Variants in FCN2 observed in about 807,000 individuals in gnomAD.
FCN2 encodes ficolin 2.
A neutral mutation model predicts 32.5 loss-of-function variants in FCN2; 31 were observed. The observed-to-expected ratio is 0.96, with a 90% CI of 0.72 to 1.29. The LOEUF (loss-of-function observed/expected upper bound fraction) is 1.29, where lower values mean the gene tolerates loss of function less well. FCN2 is among the 50% of genes most tolerant of loss of function. The probability of loss-of-function intolerance (pLI) is 0.00; values close to 1 mark genes in which losing one functional copy is unlikely to be tolerated. For missense variants in FCN2, 412 were observed against 406.5 expected (o/e 1.01, Z -0.12); for synonymous variants, 181 against 164.5 (o/e 1.10, Z -0.77).
At chr9:134,885,168 GC>G in intron 4 of FCN2, 70 bp from the exon 5 acceptor site, 1 of 1,602,692 alleles carries the variant, frequency 6.2e-7, no homozygotes, top group Non-Finnish European at 8.5e-7. Context: ...TTCCTCCCAG[GC>G]CTCCCTCCTA....
At chr9:134,869,602 T>C in the FCN2 span, among the ~76,000 whole-genome samples, 1 of 152,238 alleles carries the variant, frequency 6.6e-6, no homozygotes, top group East Asian at 1.9e-4. Flanking sequence ...CTTCTGTTAG[T>C]CTCTCCGAGG....
At chr9:134,876,798 G>A (rs114083384), upstream of FCN2, among the ~76,000 whole-genome samples, 816 of 152,228 alleles carry the variant, frequency 5.4e-3, 4 homozygotes, top group African/African-American at 0.019. Flanking sequence ...GGCTGGTCTC[G>A]AACTGACTTC....
upstream of FCN2, among the ~76,000 whole-genome samples, chr9:134,879,948 C>T (rs1371730797): frequency 6.6e-6 from 1 of 152,118 alleles, no homozygotes; most frequent in African/African-American, 2.4e-5. Flanking sequence ...CTGTCTCTAA[C>T]CTGGCTCAGT....
chr9:134,875,259 GGTT>G, the FCN2 span, among the ~76,000 whole-genome samples: 1 of 152,192 alleles, frequency 6.6e-6, no homozygotes, highest in African/African-American at 2.4e-5. Flanking sequence ...TCTTGCTCTT[GGTT>G]GTTCTAATTG....
the FCN2 span, among the ~76,000 whole-genome samples, chr9:134,864,413 C>T: frequency 3.9e-5 from 6 of 152,196 alleles, no homozygotes; most frequent in African/African-American, 7.2e-5. Flanking sequence ...CGGAAGACAG[C>T]GGCCCTGAGG....
the FCN2 span, among the ~76,000 whole-genome samples, chr9:134,875,734 C>A: frequency 6.6e-6 from 1 of 152,188 alleles, no homozygotes; most frequent in East Asian, 1.9e-4. Context: ...TTGCAGTCTG[C>A]CCCTAAACTG....
rs932578963 is a variant in FCN2, at chr9:134,881,352, G to A, written c.100+431G>A. On this transcript the variant is annotated intron_variant, in intron 1 of 7. Transcript: ENST00000291744. ...GAAAGACAGGGTGTCAGGCGGGGAT[G>A]AGCACTGCAGGACCTTTCCATCCAG... Among the ~76,000 whole-genome samples the A allele has an allele frequency of 3.9e-5, 6 of 152,172 alleles. No individual in the cohort carries two copies. In the South Asian group the frequency reaches 1.2e-3, roughly 32 times the overall value.
chr9:134,884,932 A>G (rs1830722963), intron 4 of FCN2, among the ~76,000 whole-genome samples, 160 bp downstream of exon 4: 1 of 152,270 alleles, frequency 6.6e-6, no homozygotes, highest in African/African-American at 2.4e-5. Flanking sequence ...AGGAAGTGAC[A>G]AATATTGTCC....
chr9:134,864,598 T>C, the FCN2 span, among the ~76,000 whole-genome samples: 1 of 152,152 alleles, frequency 6.6e-6, no homozygotes, highest in East Asian at 1.9e-4. Flanking sequence ...GCCGTAGCCA[T>C]GGGACCTGCT....
chr9:134,864,941 C>T, the FCN2 span, among the ~76,000 whole-genome samples: 3 of 152,226 alleles, frequency 2.0e-5, no homozygotes, highest in Non-Finnish European at 4.4e-5. Flanking sequence ...GGGCCGTCTC[C>T]CCGGGGCCGA....
At chr9:134,871,759 AC>A in the FCN2 span, among the ~76,000 whole-genome samples, 1 of 152,228 alleles carries the variant, frequency 6.6e-6, no homozygotes, top group Non-Finnish European at 1.5e-5. Context: ...TCTGGGTCCC[AC>A]AGGATTTTCT....
At chr9:134,882,240 G>A (rs990762661) in intron 1 of FCN2, among the ~76,000 whole-genome samples, 1 of 152,250 alleles carries the variant, frequency 6.6e-6, no homozygotes, top group Non-Finnish European at 1.5e-5. Flanking sequence ...GAGGAAGTAA[G>A]GTTTGCCTTC....
intron 6 of FCN2, 130 bp downstream of exon 6, chr9:134,886,027 TGGCACTG>T (rs1830749518): frequency 7.2e-6 from 7 of 971,338 alleles, no homozygotes; most frequent in South Asian, 1.7e-5. Context: ...ACACTCAGGG[TGGCACTG>T]GGACCTCCGA....
At chr9:134,885,167 G>T in intron 4 of FCN2, 72 bp from the exon 5 acceptor site, 1 of 1,602,368 alleles carries the variant, frequency 6.2e-7, no homozygotes, top group Non-Finnish European at 8.5e-7. Context: ...CTTCCTCCCA[G>T]GCCTCCCTCC....
the FCN2 span, among the ~76,000 whole-genome samples, chr9:134,864,318 CA>C: frequency 6.6e-6 from 1 of 152,208 alleles, no homozygotes; most frequent in Non-Finnish European, 1.5e-5. Flanking sequence ...GCCCTTCCCA[CA>C]CGGGCCTCAG....
Position 134,883,670 on chromosome 9 carries a change from T to A in FCN2, c.268+315T>A, listed in dbSNP as rs1416445525. 2.1e-5 allele frequency among the ~76,000 whole-genome samples: 3 copies of A among 141,284 alleles called. No homozygotes were observed. In the East Asian group the frequency reaches 6.3e-4, roughly 30 times the overall value. 92.7% of individuals were successfully genotyped at this position (141,284 alleles called of 152,430 possible). A position where few individuals can be genotyped will look rare whatever the true frequency, so the allele number is the denominator to read the frequency against. ...AGGGTTCTCAATGTCGGAGGAGGGG[T>A]TCTTGGTGGTGTAGGGAGAGGTTCT... On this transcript the variant is annotated intron_variant, in intron 3 of 7. Coordinates refer to ENST00000291744, the MANE Select transcript of FCN2 (RefSeq NM_004108.3).
rs1830659622 is a variant in FCN2, at chr9:134,881,250, T to C, written c.100+329T>C. 2.0e-5 allele frequency among the ~76,000 whole-genome samples: 3 copies of C among 152,100 alleles called. No homozygotes were observed. In the South Asian group the frequency reaches 6.2e-4, roughly 32 times the overall value. The stretch of plus-strand genomic sequence containing the variant: ...GGGAGGTGAGGCTTGTGGTGCCAGC[T>C]GGGTAGACACCAGTCAGATATTCTG... On this transcript the variant is annotated intron_variant, in intron 1 of 7. Transcript: ENST00000291744.
upstream of FCN2, among the ~76,000 whole-genome samples, chr9:134,876,405 AT>A (rs1199443357): frequency 6.6e-6 from 1 of 151,676 alleles, no homozygotes; most frequent in Non-Finnish European, 1.5e-5. Flanking sequence ...GGGCCTGGAG[AT>A]TTTTTTGCTG....
chr9:134,873,875 G>C, the FCN2 span, among the ~76,000 whole-genome samples: 1 of 45,892 alleles, frequency 2.2e-5, no homozygotes, highest in South Asian at 9.4e-4. Flanking sequence ...CTTTTTTTTT[G>C]TTTGTTTGTT....
Sources: gnomAD v4.1 joint callset for allele counts (sites outside exome capture counted in the v4.1 genomes callset) on GRCh38, gnomAD v4.1.1 for gene constraint, MANE v1.5 for transcripts, NCBI Gene and HGNC (gene_info 2026-07-23, HGNC 2026-07-21) for gene names.